Variants in DONSON observed in about 807,000 individuals in gnomAD.
DONSON encodes protein downstream neighbor of Son.
A neutral mutation model predicts 62.1 loss-of-function variants in DONSON; 43 were observed. That is an observed-to-expected ratio of 0.69 (90% CI 0.54 to 0.89). The LOEUF (loss-of-function observed/expected upper bound fraction) is 0.89. Among genes scored for constraint, DONSON ranks in the 40% least tolerant of loss-of-function variants. DONSON has a pLI of 0.00. For synonymous variants in DONSON, 266 were observed against 264.6 expected (o/e 1.01, Z -0.05); for missense variants, 696 against 697.5 (o/e 1.00, Z 0.03).
At chr21:33,588,177 CG>C (rs1352954588) in intron 1 of DONSON, 143 bp downstream of exon 1, 7 of 615,420 alleles carry the variant, frequency 1.1e-5, no homozygotes, top group Admixed American at 8.9e-5. Context: ...GCTCCCAGGG[CG>C]GGGTACCCTA....
chr21:33,579,100 C>G (rs1038558324), intron 9 of DONSON, among the ~76,000 whole-genome samples: 1 of 151,292 alleles, frequency 6.6e-6, no homozygotes, highest in Non-Finnish European at 1.5e-5. Flanking sequence ...ACTCGCGCCG[C>G]TGCACTCCAG....
chr21:33,578,495 C>T, intron 9 of DONSON, 51 bp from the exon 10 acceptor site: 1 of 1,539,252 alleles, frequency 6.5e-7, no homozygotes, highest in Non-Finnish European at 8.8e-7. Flanking sequence ...TCTTTAAACA[C>T]AGAAGAGTTA....
At position 33,583,057 on chromosome 21, in the gene DONSON, C is replaced by T. The variant is rs1359613638; in HGVS notation, c.964+431G>A. On this transcript the variant is annotated intron_variant, in intron 5 of 9. Coordinates refer to ENST00000303071, the MANE Select transcript of DONSON (RefSeq NM_017613.4). ...TCTACTAAAAATACAAAAAATTAGCCGGGCATGGTTGCAGGCACCTGTAGT... is the reference window on the plus strand; with the variant it reads ...TCTACTAAAAATACAAAAAATTAGCTGGGCATGGTTGCAGGCACCTGTAGT... 4.0e-5 allele frequency among the ~76,000 whole-genome samples: 6 copies of T among 151,448 alleles called. 1 individual carries two copies. Among genetic ancestry groups the T allele is most frequent in the African/African-American group, 4.9e-5 (2 of 41,164 alleles).
intron 9 of DONSON, among the ~76,000 whole-genome samples, chr21:33,579,114 G>A (rs2086473526): frequency 1.3e-5 from 2 of 151,244 alleles, no homozygotes; most frequent in Admixed American, 6.6e-5. Context: ...ACTCCAGCCC[G>A]GGCAACAGCA....
At position 33,578,218 on chromosome 21, in the gene DONSON, T is replaced by G. The variant is rs2086458466; in HGVS notation, c.*89A>C. The G allele has an allele frequency of 7.2e-7, 1 of 1,390,690 alleles. No homozygotes were observed. Among genetic ancestry groups the G allele is most frequent in the Non-Finnish European group, 9.9e-7 (1 of 1,014,784 alleles). The allele number at this position is 1,390,690 out of a possible 1,614,324, so 86.1% of individuals were successfully genotyped here. ...AGTAAAAGTTATGTTTATAAACATT[T>G]CAGTATATTCCTTCAACTTCAAGAA... On this transcript the variant is annotated 3_prime_UTR_variant, in exon 10 of 10. Coordinates refer to ENST00000303071, the MANE Select transcript of DONSON (RefSeq NM_017613.4).
chr21:33,582,674 T>A (rs748968486), intron 5 of DONSON, among the ~76,000 whole-genome samples: 27 of 152,316 alleles, frequency 1.8e-4, no homozygotes, highest in Non-Finnish European at 3.2e-4. Context: ...GAGAACACTA[T>A]GTGGAAGGAA....
intron 4 of DONSON, among the ~76,000 whole-genome samples, chr21:33,584,076 G>A (rs1318794613): frequency 1.8e-4 from 23 of 124,908 alleles, no homozygotes; most frequent in Non-Finnish European, 2.8e-4. Flanking sequence ...ACGGAGTTTC[G>A]CTCTGTCGCC....
intron 5 of DONSON, among the ~76,000 whole-genome samples, chr21:33,582,865 G>A (rs2086529038): frequency 6.6e-6 from 1 of 152,102 alleles, no homozygotes. Flanking sequence ...ATCCTACTGT[G>A]AACTGTGCAT....
Position 33,588,346 on chromosome 21 carries a change from C to T in DONSON, c.296G>A (p.Arg99His), listed in dbSNP as rs766754894. The T allele has an allele frequency of 7.7e-7, 1 of 1,292,426 alleles. No individual in the cohort carries two copies. The highest frequency in any genetic ancestry group is 9.8e-7 in the Non-Finnish European group (1 of 1,024,462). 80.1% of individuals were successfully genotyped at this position (1,292,426 alleles called of 1,614,324 possible). A position where few individuals can be genotyped will look rare whatever the true frequency, so the allele number is the denominator to read the frequency against. The change falls in exon 1 of 10, where the codon CGC (arginine) becomes CAC (histidine). Residue 99 changes from arginine (R) to histidine (H), a missense_variant. Coordinates refer to ENST00000303071, the MANE Select transcript of DONSON (RefSeq NM_017613.4). Reference sequence around the variant, plus strand: ...CGGGACCGGGGCCTCCGGCTGCTCGCGGGCCGGCCCGTCGGGGGGCTCCGC... The same window carrying T: ...CGGGACCGGGGCCTCCGGCTGCTCGTGGGCCGGCCCGTCGGGGGGCTCCGC... ...VAAEPPDGPAREQPEAPVPFL... is the reference protein window; with the variant it reads ...VAAEPPDGPAHEQPEAPVPFL...
chr21:33,584,369 A>G (rs1485522704), intron 4 of DONSON, among the ~76,000 whole-genome samples: 1 of 151,868 alleles, frequency 6.6e-6, no homozygotes, highest in Non-Finnish European at 1.5e-5. Context: ...ATATTTAACC[A>G]ACACTTATAT....
At chr21:33,586,572 C>G (rs1318582479) in intron 2 of DONSON, among the ~76,000 whole-genome samples, 1 of 152,212 alleles carries the variant, frequency 6.6e-6, no homozygotes, top group East Asian at 1.9e-4. Context: ...GAAACATTTC[C>G]TGACTTCAAA....
intron 4 of DONSON, among the ~76,000 whole-genome samples, chr21:33,584,014 T>TTATATATATATA (rs57309977): frequency 4.5e-4 from 55 of 121,536 alleles, no homozygotes; most frequent in South Asian, 5.2e-4. Context: ...GGCTGCGTGT[T>TTATATATATATA]TATATATATA....
rs552034893 is a variant in DONSON at position 33,583,200 on chromosome 21, C to CAAAAA, written c.964+283_964+287dup. On this transcript the variant is annotated intron_variant, in intron 5 of 9. Coordinates refer to ENST00000303071, the MANE Select transcript of DONSON (RefSeq NM_017613.4). ...TGGGTGACAGAGCGAGTCTCCATCT[C>CAAAAA]AAAAAAAAAAAAAAAAAAAAAAAAA... is the stretch of plus-strand genomic sequence containing the variant. Among the ~76,000 whole-genome samples, 141 of 58,906 alleles carry CAAAAA rather than the reference C, an allele frequency of 2.4e-3. 4 individuals are homozygous for CAAAAA. Among genetic ancestry groups the CAAAAA allele is most frequent in the East Asian group, 0.015 (30 of 2,064 alleles). The allele number at this position is 58,906 out of a possible 152,430, so 38.6% of individuals were successfully genotyped here. A position where few individuals can be genotyped will look rare whatever the true frequency, so the allele number is the denominator to read the frequency against.
intron 3 of DONSON, 62 bp downstream of exon 3, chr21:33,585,916 A>C (rs2086572000): frequency 2.0e-6 from 3 of 1,512,592 alleles, no homozygotes; most frequent in Non-Finnish European, 9.2e-7. Context: ...CTATTTTGCA[A>C]AGGAGAGCAT....
intron 8 of DONSON, 63 bp downstream of exon 8, chr21:33,581,239 C>A: frequency 2.1e-6 from 3 of 1,426,282 alleles, no homozygotes; most frequent in South Asian, 1.5e-5. Context: ...TTTTTTAAAT[C>A]AAGAATTTAT....
In DONSON at chr21:33,577,675, ACACACACACACACACACACACACACACC is replaced by A. The variant is rs1569072770; in HGVS notation, c.*604_*631del. 6.7e-5 allele frequency: 7 copies of A among 104,962 alleles called. No individual in the cohort carries two copies. In the East Asian group the frequency reaches 1.8e-3, roughly 27 times the overall value. The allele number at this position is 104,962 out of a possible 1,614,324, so 6.5% of individuals were successfully genotyped here. On this transcript the variant is annotated 3_prime_UTR_variant, in exon 10 of 10. Coordinates refer to ENST00000303071, the MANE Select transcript of DONSON (RefSeq NM_017613.4). ...CACACACACACACACACACACACAC[ACACACACACACACACACACACACACACC>A]CCTATAAGCACATTAAATACTACTT...
intron 8 of DONSON, among the ~76,000 whole-genome samples, chr21:33,580,913 A>C (rs2086500942): frequency 6.6e-6 from 1 of 151,926 alleles, no homozygotes; most frequent in Non-Finnish European, 1.5e-5. Flanking sequence ...AAGAAAAAAA[A>C]AAACAAAAAA....
At chr21:33,587,799 G>A (rs959633778) in intron 1 of DONSON, among the ~76,000 whole-genome samples, 197 bp from the exon 2 acceptor site, 1 of 152,166 alleles carries the variant, frequency 6.6e-6, no homozygotes, top group Non-Finnish European at 1.5e-5. Flanking sequence ...GGGGAACAGG[G>A]ACCGGCGTTT....
chr21:33,583,974 G>A (rs1453899335), intron 4 of DONSON, among the ~76,000 whole-genome samples: 1 of 147,424 alleles, frequency 6.8e-6, no homozygotes, highest in Non-Finnish European at 1.5e-5. Flanking sequence ...AGGAAGCAGA[G>A]ACTGACAAGA....
Sources: gnomAD v4.1 joint callset for allele counts (sites outside exome capture counted in the v4.1 genomes callset) on GRCh38, gnomAD v4.1.1 for gene constraint, MANE v1.5 for transcripts, NCBI Gene and HGNC (gene_info 2026-07-23, HGNC 2026-07-21) for gene names.